Variants in BRCA2 observed in about 807,000 individuals in gnomAD.
The protein encoded by BRCA2 is BRCA2 DNA repair associated.
Under a neutral mutation model 276.7 loss-of-function variants are expected in BRCA2, and 203 were observed. That is an observed-to-expected ratio of 0.73 (90% CI 0.65 to 0.82). The LOEUF (loss-of-function observed/expected upper bound fraction) is 0.82. Among genes scored for constraint, BRCA2 ranks in the 40% least tolerant of loss-of-function variants. The pLI, the probability that BRCA2 is intolerant of heterozygous loss-of-function variation, is 0.00. For synonymous variants in BRCA2, 1,289 were observed against 1,338.4 expected (o/e 0.96, Z 0.81); for missense variants, 3,920 against 3,915.0 (o/e 1.00, Z -0.03).
Position 32,361,348 on chromosome 13 carries a change from C to T in BRCA2, c.7806-1175C>T, listed in dbSNP as rs150813429. Among the ~76,000 whole-genome samples the T allele has an allele frequency of 4.6e-4, 70 of 152,256 alleles. No individual in the cohort carries two copies. The East Asian group carries it at 9.8e-3, about 21-fold the overall frequency. On this transcript the variant is annotated intron_variant, in intron 16 of 26. Coordinates refer to ENST00000380152, the MANE Select transcript of BRCA2 (RefSeq NM_000059.4). ...ACATTACTAATGTTATTAAAAATAG[C>T]TCAATAGATTGGTGGAGTGATATCC...
At chr13:32,350,826 C>T (rs1179302299) in intron 13 of BRCA2, among the ~76,000 whole-genome samples, 1 of 152,088 alleles carries the variant, frequency 6.6e-6, no homozygotes, top group Non-Finnish European at 1.5e-5. Context: ...TTTATACTGA[C>T]TTAGCCGTAA....
In BRCA2 at chr13:32,332,725, T is replaced by G. The variant is rs80358418; in HGVS notation, c.1247T>G (p.Ile416Ser). 3 of 1,612,674 alleles carry G rather than the reference T, an allele frequency of 1.9e-6. No individual in the cohort carries two copies. Among genetic ancestry groups the G allele is most frequent in the Non-Finnish European group, 2.5e-6 (3 of 1,179,634 alleles). ...AQMEKIPLLH[I>S]SSCDQNISEK... Reference sequence around the variant, plus strand: ...ATGGAGAAAATACCCCTATTGCATATTTCTTCATGTGACCAAAATATTTCA... The same window carrying G: ...ATGGAGAAAATACCCCTATTGCATAGTTCTTCATGTGACCAAAATATTTCA... The change falls in exon 10 of 27, where the codon ATT (isoleucine) becomes AGT (serine). Residue 416 changes from isoleucine to serine, a missense_variant. Coordinates refer to ENST00000380152, the MANE Select transcript of BRCA2 (RefSeq NM_000059.4).
At chr13:32,359,762 GGTAGAA>G (rs1255387687) in intron 16 of BRCA2, among the ~76,000 whole-genome samples, 1 of 152,216 alleles carries the variant, frequency 6.6e-6, no homozygotes, top group Non-Finnish European at 1.5e-5. Flanking sequence ...GACTGCATAA[GGTAGAA>G]GTTAAGAATG....
In BRCA2 at chr13:32,355,154, A is replaced by C. The variant is rs80358954; in HGVS notation, c.7301A>C (p.Lys2434Thr). ...ATTAACTTGGAGGAAAACAGACAAA[A>C]GCAAAACATTGATGGACATGGCTCT... is the stretch of plus-strand genomic sequence containing the variant. The part of the protein sequence containing the change: ...RNINLEENRQ[K>T]QNIDGHGSDD... The change falls in exon 14 of 27, where the codon AAG (lysine) becomes ACG (threonine). Residue 2434 changes from lysine to threonine, a missense_variant. By Grantham distance (78) the Lys-to-Thr change is moderately conservative. Around this residue, in one of 2 missense-constraint regions of BRCA2, gnomAD observed 3,263 missense variants for 3,156.9 expected, o/e 1.03. Transcript: ENST00000380152. The C allele has an allele frequency of 1.4e-5, 22 of 1,613,956 alleles. No individual in the cohort carries two copies. The South Asian group carries it at 2.4e-4, about 18-fold the overall frequency.
chr13:32,354,831 A>T (rs763138422), intron 13 of BRCA2, 30 bp from the exon 14 acceptor site: 1 of 1,426,158 alleles, frequency 7.0e-7, no homozygotes, highest in South Asian at 1.2e-5. Flanking sequence ...GTACTAGTCA[A>T]TAAACTTATA....
In BRCA2 at chr13:32,332,713, C is replaced by G. The variant is rs876659628; in HGVS notation, c.1235C>G (p.Pro412Arg). 6.2e-7 allele frequency: 1 copy of G among 1,613,484 alleles called. No individual in the cohort carries two copies. The highest frequency in any genetic ancestry group is 8.5e-7 in the Non-Finnish European group (1 of 1,179,752). ...GLNGAQMEKIPLLHISSCDQN... is the reference protein window; with the variant it reads ...GLNGAQMEKIRLLHISSCDQN... ...AATGGAGCCCAGATGGAGAAAATAC[C>G]CCTATTGCATATTTCTTCATGTGAC... The change falls in exon 10 of 27, where the codon CCC (proline) becomes CGC (arginine). Residue 412 changes from proline to arginine, a missense_variant. Pro to Arg is a moderately radical substitution (Grantham distance 103). This residue lies in a region of BRCA2 where 3,263 missense variants were observed against 3,156.9 expected (regional missense o/e 1.03). Coordinates refer to ENST00000380152, the MANE Select transcript of BRCA2 (RefSeq NM_000059.4).
In BRCA2 at chr13:32,337,200, T is replaced by G. The variant is rs1328742081; in HGVS notation, c.2845T>G (p.Tyr949Asp). ...AGTGTCAATTAAAAAAGATTTGGTT[T>G]ATGTTCTTGCAGAGGAGAACAAAAA... is the stretch of plus-strand genomic sequence containing the variant. ...TQVSIKKDLV[Y>D]VLAEENKNSV... The change falls in exon 11 of 27, where the codon TAT (tyrosine) becomes GAT (aspartate). Residue 949 changes from tyrosine (Y) to aspartate (D), a missense_variant. Around this residue, in one of 2 missense-constraint regions of BRCA2, gnomAD observed 3,263 missense variants for 3,156.9 expected, o/e 1.03. Transcript: ENST00000380152. 6.2e-7 allele frequency: 1 copy of G among 1,613,742 alleles called. No homozygotes were observed. Among genetic ancestry groups the G allele is most frequent in the South Asian group, 1.1e-5 (1 of 91,010 alleles).
intron 20 of BRCA2, among the ~76,000 whole-genome samples, chr13:32,375,909 T>C (rs1443988868): frequency 6.6e-6 from 1 of 152,108 alleles, no homozygotes; most frequent in Non-Finnish European, 1.5e-5. Flanking sequence ...GACTCCATGA[T>C]CCATGGGCCA....
chr13:32,393,374 G>A (rs1745671197), intron 24 of BRCA2, among the ~76,000 whole-genome samples: 1 of 151,938 alleles, frequency 6.6e-6, no homozygotes, highest in South Asian at 2.1e-4. Context: ...TTCCACCAAT[G>A]TATTTATTTG....
intron 9 of BRCA2, 109 bp downstream of exon 9, chr13:32,331,139 A>T (rs2137462871): frequency 1.2e-5 from 9 of 759,186 alleles, no homozygotes; most frequent in East Asian, 5.4e-5. Context: ...GTTTACCGCA[A>T]CCTCTGCCTC....
chr13:32,366,208 C>A lies in BRCA2; in HGVS notation c.8331+2675C>A, dbSNP rs9534275. Among the ~76,000 whole-genome samples the A allele has an allele frequency of 0.52, 79,129 of 151,914 alleles. 20,695 individuals are homozygous for A. The highest frequency in any genetic ancestry group is 0.57 in the East Asian group (2,956 of 5,160). On this transcript the variant is annotated intron_variant, in intron 18 of 26. Transcript: ENST00000380152. ...AAGTAACTTAAAAAATGTTTTATGT[C>A]CCTAGTGGTATATACCCCAAGAACA...
chr13:32,372,325 A>G (rs1004281480), intron 20 of BRCA2, among the ~76,000 whole-genome samples: 1 of 152,230 alleles, frequency 6.6e-6, no homozygotes, highest in Non-Finnish European at 1.5e-5. Context: ...GCAGCTCTGT[A>G]TTAATCTGTT....
In BRCA2 at chr13:32,338,440, A is replaced by G. The variant is rs1060502441; in HGVS notation, c.4085A>G (p.His1362Arg). ...ACGGACTTGCTATTTACTGATCAGC[A>G]CAACATATGTCTTAAATTATCTGGC... ...DETDLLFTDQ[H>R]NICLKLSGQF... The change falls in exon 11 of 27, where the codon CAC (histidine) becomes CGC (arginine). Residue 1362 changes from histidine (H) to arginine (R), a missense_variant. Coordinates refer to ENST00000380152, the MANE Select transcript of BRCA2 (RefSeq NM_000059.4). The G allele has an allele frequency of 1.2e-6, 2 of 1,611,752 alleles. No individual in the cohort carries two copies. Among genetic ancestry groups the G allele is most frequent in the East Asian group, 4.5e-5 (2 of 44,800 alleles).
chr13:32,330,740 C>T (rs1280659074), intron 8 of BRCA2, among the ~76,000 whole-genome samples, 179 bp from the exon 9 acceptor site: 1 of 152,124 alleles, frequency 6.6e-6, no homozygotes, highest in Non-Finnish European at 1.5e-5. Flanking sequence ...CTCAGGATGA[C>T]ACACAATTTA....
chr13:32,392,172 A>T (rs2073001115), intron 24 of BRCA2, among the ~76,000 whole-genome samples: 1 of 152,262 alleles, frequency 6.6e-6, no homozygotes, highest in Non-Finnish European at 1.5e-5. Context: ...ATGAACCATC[A>T]TTTGCAATAG....
In BRCA2 at chr13:32,398,617, C is replaced by T. The variant is rs1208822869; in HGVS notation, c.10104C>T (p.Ser3368=). ...AACAATTTATATCTGTCAGTGAATC[C>T]ACTAGGACTGCTCCCACCAGTTCAG... ...GEKQFISVSE[S]TRTAPTSSED... is the part of the protein sequence containing the mutation. The change falls in exon 27 of 27, where the codon TCC becomes TCT. Residue 3368 remains serine (S), a synonymous_variant. Transcript: ENST00000380152. 1 of 1,614,076 alleles carries T rather than the reference C, an allele frequency of 6.2e-7. No homozygotes were observed.
intron 20 of BRCA2, among the ~76,000 whole-genome samples, chr13:32,372,924 G>A (rs1450504489): frequency 6.6e-6 from 1 of 152,008 alleles, no homozygotes; most frequent in Non-Finnish European, 1.5e-5. Flanking sequence ...ATCTCAAGTG[G>A]GAGAAATTGG....
intron 10 of BRCA2, 146 bp downstream of exon 10, chr13:32,333,533 A>G: frequency 1.1e-6 from 1 of 924,252 alleles, no homozygotes; most frequent in South Asian, 1.8e-5. Context: ...TAGGTCTTTA[A>G]TTACCAGTGT....
intron 10 of BRCA2, 112 bp downstream of exon 10, chr13:32,333,499 G>A: frequency 3.3e-6 from 4 of 1,207,594 alleles, no homozygotes; most frequent in Non-Finnish European, 4.7e-6. Flanking sequence ...TTAATCTTAG[G>A]CATCATCTGT....
Sources: allele counts gnomAD v4.1 joint callset (sites outside exome capture counted in the v4.1 genomes callset), GRCh38; gene constraint gnomAD v4.1.1; regional missense constraint gnomAD v4.1.1; transcripts MANE v1.5; gene names NCBI Gene and HGNC (gene_info 2026-07-23, HGNC 2026-07-21).